The following RBFOX1 variants were observed in gnomAD, a reference collection of about 807,000 sequenced individuals.
RBFOX1 encodes the protein RNA binding fox-1 homolog 1, also known as RNA binding protein fox-1 homolog 1.
In RBFOX1, 8 loss-of-function variants were observed where a neutral mutation model predicts 57.7. The observed-to-expected ratio is 0.14, with a 90% confidence interval of 0.08 to 0.25. RBFOX1 has a LOEUF of 0.25. Ranked by LOEUF, RBFOX1 falls within the 10% of genes least tolerant of loss-of-function variation. The probability of loss-of-function intolerance (pLI) is 1.00; values close to 1 mark genes in which losing one functional copy is unlikely to be tolerated. For missense variants in RBFOX1, 611 were observed against 548.5 expected (o/e 1.11, Z -1.14); for synonymous variants, 326 against 222.4 (o/e 1.47, Z -4.15).
At chr16:6,634,868 C>A (rs2098419376) in intron 2 of RBFOX1, among the ~76,000 whole-genome samples, 1 of 129,948 alleles carries the variant, frequency 7.7e-6, no homozygotes, top group African/African-American at 3.0e-5. Context: ...AATTTAAATT[C>A]AAAATATATA....
At chr16:5,863,686 C>A (rs1416124728) in intron 3 of RBFOX1, among the ~76,000 whole-genome samples, 3 of 152,106 alleles carry the variant, frequency 2.0e-5, no homozygotes, top group Admixed American at 6.5e-5. Flanking sequence ...TAAAGTTTAC[C>A]CCTTGTTTCA....
chr16:7,607,972 G>T (rs2141289482), intron 10 of RBFOX1, among the ~76,000 whole-genome samples: 1 of 152,216 alleles, frequency 6.6e-6, no homozygotes, highest in Middle Eastern at 3.4e-3. Flanking sequence ...TTTTGGGAGA[G>T]CATAACCCAG....
At chr16:6,836,267 C>G (rs774034458) in intron 3 of RBFOX1, among the ~76,000 whole-genome samples, 1 of 152,130 alleles carries the variant, frequency 6.6e-6, no homozygotes, top group Non-Finnish European at 1.5e-5. Context: ...TTCTTAAAAT[C>G]TGTTTTACAA....
chr16:6,215,248 A>C, intron 1 of RBFOX1, among the ~76,000 whole-genome samples: 1 of 109,842 alleles, frequency 9.1e-6, no homozygotes, highest in African/African-American at 3.5e-5. Flanking sequence ...AGGAGAGGGA[A>C]GGGAGAGAGA....
chr16:6,580,885 C>A, intron 2 of RBFOX1, among the ~76,000 whole-genome samples: 1 of 147,412 alleles, frequency 6.8e-6, no homozygotes, highest in Non-Finnish European at 1.5e-5. Context: ...CCAGAAAGAC[C>A]CTGCATATCT....
intron 3 of RBFOX1, among the ~76,000 whole-genome samples, chr16:6,808,222 G>A (rs1456731766): frequency 6.7e-6 from 1 of 148,902 alleles, no homozygotes; most frequent in Non-Finnish European, 1.5e-5. Flanking sequence ...GTATGCACTA[G>A]CTTCCAGCAT....
At chr16:7,055,832 CTGTT>C (rs1414005344) in intron 4 of RBFOX1, among the ~76,000 whole-genome samples, 1 of 151,936 alleles carries the variant, frequency 6.6e-6, no homozygotes, top group African/African-American at 2.4e-5. Context: ...GGGGTCCACT[CTGTT>C]TGTCAGGGTG....
intron 3 of RBFOX1, among the ~76,000 whole-genome samples, chr16:5,635,935 G>C (rs1362244156): frequency 6.6e-6 from 1 of 152,322 alleles, no homozygotes; most frequent in South Asian, 2.1e-4. Context: ...CATTCCAGGT[G>C]CAGTGGCCCA....
At chr16:7,348,669 C>T (rs1200993637) in intron 4 of RBFOX1, among the ~76,000 whole-genome samples, 1 of 152,208 alleles carries the variant, frequency 6.6e-6, no homozygotes. Context: ...AGGCCGGTTG[C>T]CGTGGCTCAC....
intron 4 of RBFOX1, among the ~76,000 whole-genome samples, chr16:7,166,470 A>C (rs2079530639): frequency 6.6e-6 from 1 of 152,052 alleles, no homozygotes; most frequent in African/African-American, 2.4e-5. Flanking sequence ...AATATGAAAG[A>C]GAAGAACAGG....
chr16:5,565,908 G>A lies in RBFOX1; in HGVS notation c.259-32994G>A, dbSNP rs1309160687. Among the ~76,000 whole-genome samples, 3 of 152,050 alleles carry A rather than the reference G, an allele frequency of 2.0e-5. No individual in the cohort carries two copies. In the East Asian group the frequency reaches 5.8e-4, roughly 30 times the overall value. ...GTAGCTCCCATAATTCCCATGTGTT[G>A]TGGGAGGGACCCGGTGGGAGATAAT... On this transcript the variant is annotated intron_variant, in intron 2 of 2. Coordinates refer to the RBFOX1 transcript ENST00000585867.
intron 1 of RBFOX1, among the ~76,000 whole-genome samples, chr16:5,284,165 C>T (rs1650668250): frequency 6.6e-6 from 1 of 152,216 alleles, no homozygotes; most frequent in African/African-American, 2.4e-5. Flanking sequence ...TTCTTCTTGC[C>T]TTCCACCATG....
intron 2 of RBFOX1, among the ~76,000 whole-genome samples, chr16:6,592,651 G>A (rs1048494847): frequency 2.0e-5 from 3 of 152,154 alleles, no homozygotes; most frequent in Non-Finnish European, 4.4e-5. Context: ...ACTAAGTAAT[G>A]GAATTTGCTA....
intron 4 of RBFOX1, among the ~76,000 whole-genome samples, chr16:7,495,807 A>G (rs183705166): frequency 6.6e-6 from 1 of 152,222 alleles, no homozygotes; most frequent in East Asian, 1.9e-4. Flanking sequence ...GCACTAGAGA[A>G]CTTATTCATG....
chr16:6,978,972 C>G (rs879916817), intron 3 of RBFOX1, among the ~76,000 whole-genome samples: 1 of 152,180 alleles, frequency 6.6e-6, no homozygotes, highest in Non-Finnish European at 1.5e-5. Flanking sequence ...GCCACCTGTG[C>G]TAAGGCAGGC....
intron 3 of RBFOX1, among the ~76,000 whole-genome samples, chr16:6,687,682 T>C (rs41506244): frequency 0.16 from 24,719 of 152,164 alleles, 2,140 homozygotes; most frequent in Middle Eastern, 0.21. Flanking sequence ...GCTGTATTTA[T>C]GTCCTGTATG....
chr16:7,640,932 A>C (rs1597123933), intron 11 of RBFOX1, among the ~76,000 whole-genome samples: 1 of 151,862 alleles, frequency 6.6e-6, no homozygotes, highest in Non-Finnish European at 1.5e-5. Flanking sequence ...TCCATTTTAC[A>C]TTCAGAGCTC....
At chr16:7,201,715 A>G (rs1055968077) in intron 4 of RBFOX1, among the ~76,000 whole-genome samples, 1 of 152,100 alleles carries the variant, frequency 6.6e-6, no homozygotes, top group Non-Finnish European at 1.5e-5. Context: ...CACCCACCTC[A>G]GCCTCCCAAA....
intron 14 of RBFOX1, among the ~76,000 whole-genome samples, chr16:7,697,419 T>C (rs555363053): frequency 6.6e-6 from 1 of 152,202 alleles, no homozygotes; most frequent in East Asian, 1.9e-4. Flanking sequence ...CCTGTAGTAA[T>C]TGTCCCTTGT....
Sources: allele counts gnomAD v4.1 joint callset (sites outside exome capture counted in the v4.1 genomes callset), GRCh38; gene constraint gnomAD v4.1.1; transcripts MANE v1.5; gene names NCBI Gene and HGNC (gene_info 2026-07-23, HGNC 2026-07-21).